DNAH5: variants seen among roughly 807,000 people sequenced by gnomAD.
DNAH5 encodes dynein axonemal heavy chain 5.
DNAH5 carries 372 observed loss-of-function variants against 518.2 expected under a neutral mutation model. That is an observed-to-expected ratio of 0.72 (90% confidence interval 0.66 to 0.78). The LOEUF is 0.78. Among genes scored for constraint, DNAH5 ranks in the 30% least tolerant of loss-of-function variants. DNAH5 has a pLI of 0.00. For missense variants in DNAH5, 5,523 were observed against 5,687.0 expected (o/e 0.97, Z 0.93); for synonymous variants, 2,039 against 2,025.9 (o/e 1.01, Z -0.17).
chr5:13,890,000 G>A (rs963025554), intron 17 of DNAH5, among the ~76,000 whole-genome samples: 1 of 152,180 alleles, frequency 6.6e-6, no homozygotes, highest in Non-Finnish European at 1.5e-5. Context: ...TGATGCTAAC[G>A]TGACATGCCT....
In DNAH5 at chr5:13,908,310, T is replaced by C. The variant is rs1324711814; in HGVS notation, c.1644+3076A>G. Among the ~76,000 whole-genome samples the C allele has an allele frequency of 2.0e-5, 3 of 152,234 alleles. No homozygotes were observed. In the East Asian group the frequency reaches 5.8e-4, roughly 29 times the overall value. On this transcript the variant is annotated intron_variant, in intron 12 of 78. Coordinates refer to ENST00000265104, the MANE Select transcript of DNAH5 (RefSeq NM_001369.3). ...TAAATAAACATCTACATTTTTTCAC[T>C]ACATAAAAAATCTCTATGTATAAAT...
chr5:13,753,316 C>A lies in DNAH5; in HGVS notation c.10789G>T (p.Ala3597Ser), dbSNP rs368959723. The change falls in exon 63 of 79, where the codon GCA becomes TCA. Residue 3597 changes from alanine to serine, a missense_variant. Physicochemically the swap from Ala to Ser is moderately conservative, Grantham distance 99 (BLOSUM62 1). Coordinates refer to ENST00000265104, the MANE Select transcript of DNAH5 (RefSeq NM_001369.3). ...TCAATTAACAAAGGGTAACGAGATGCCTTCGTGACAATAATTCCATTTTGA... is the reference window on the plus strand; with the variant it reads ...TCAATTAACAAAGGGTAACGAGATGACTTCGTGACAATAATTCCATTTTGA... ...SIQNGIIVTK[A>S]SRYPLLIDPQ... The A allele has an allele frequency of 1.0e-4, 163 of 1,613,612 alleles. 4 individuals are homozygous for A. The highest frequency in any genetic ancestry group is 8.0e-4 in the South Asian group (73 of 91,068).
intron 16 of DNAH5, 54 bp downstream of exon 16, chr5:13,894,596 G>T: frequency 6.4e-7 from 1 of 1,560,472 alleles, no homozygotes; most frequent in Non-Finnish European, 8.8e-7. Context: ...TTCAACAGAT[G>T]TTAGGAACTC....
rs914675446 is a variant in DNAH5, at chr5:13,768,959, C to G, written c.9897+1G>C. Reference sequence around the variant, plus strand: ...ACATCTGTTATATCACATAGATGCACCTGCAATGCAGCTTCTGCCTCTTCT... The same window carrying G: ...ACATCTGTTATATCACATAGATGCAGCTGCAATGCAGCTTCTGCCTCTTCT... On this transcript the variant is annotated splice_donor_variant, in intron 58 of 78. Coordinates refer to ENST00000265104, the MANE Select transcript of DNAH5 (RefSeq NM_001369.3). LOFTEE classifies it high-confidence loss of function. The G allele has an allele frequency of 1.2e-5, 19 of 1,613,986 alleles. No homozygotes were observed. The highest frequency in any genetic ancestry group is 1.7e-5 in the Admixed American group (1 of 60,008).
chr5:13,825,718 G>A (rs960712820), intron 38 of DNAH5, among the ~76,000 whole-genome samples: 1 of 152,196 alleles, frequency 6.6e-6, no homozygotes, highest in African/African-American at 2.4e-5. Flanking sequence ...AAGAGAAAAA[G>A]AGAAGTTGTT....
intron 9 of DNAH5, among the ~76,000 whole-genome samples, chr5:13,916,059 G>A (rs1334824915): frequency 6.6e-6 from 1 of 151,810 alleles, no homozygotes; most frequent in Non-Finnish European, 1.5e-5. Flanking sequence ...AATACATGAT[G>A]TGCTAAACCA....
At chr5:13,852,793 G>A (rs1767073476) in intron 30 of DNAH5, among the ~76,000 whole-genome samples, 1 of 152,180 alleles carries the variant, frequency 6.6e-6, no homozygotes, top group Admixed American at 6.5e-5. Context: ...GCACCACAAA[G>A]CTGCTGTAGC....
chr5:13,724,453 A>T (rs1745456252), intron 70 of DNAH5, among the ~76,000 whole-genome samples: 1 of 152,188 alleles, frequency 6.6e-6, no homozygotes, highest in Admixed American at 6.5e-5. Flanking sequence ...GGAGGAGATG[A>T]GTCTCAGAGA....
chr5:13,786,119 A>G, intron 52 of DNAH5, 60 bp downstream of exon 52: 1 of 1,531,784 alleles, frequency 6.5e-7, no homozygotes, highest in Non-Finnish European at 9.0e-7. Context: ...GGAGAGGACC[A>G]TGGTGTGAAG....
intron 1 of DNAH5, among the ~76,000 whole-genome samples, chr5:13,988,940 C>T (rs1783278398): frequency 7.4e-6 from 1 of 135,616 alleles, no homozygotes; most frequent in African/African-American, 2.7e-5. Flanking sequence ...GTTGGCCAGG[C>T]CTGGTCTCAA....
intron 1 of DNAH5, chr5:13,932,161 C>T (rs1476302477): frequency 6.6e-6 from 1 of 152,222 alleles, no homozygotes; most frequent in Non-Finnish European, 1.5e-5. Flanking sequence ...GAGACTAACA[C>T]TACCTGGTAA....
intron 2 of DNAH5, among the ~76,000 whole-genome samples, chr5:13,930,823 T>C (rs951755768): frequency 3.9e-5 from 6 of 152,190 alleles, no homozygotes; most frequent in African/African-American, 1.4e-4. Flanking sequence ...GGCTTTAGTT[T>C]CCAAAATGGC....
chr5:13,725,017 T>C (rs1745536375), intron 70 of DNAH5, among the ~76,000 whole-genome samples: 2 of 152,216 alleles, frequency 1.3e-5, no homozygotes, highest in Non-Finnish European at 2.9e-5. Flanking sequence ...ATGCAACAGA[T>C]ATAAACCTTG....
chr5:13,745,923 G>A (rs1749264728), intron 65 of DNAH5, among the ~76,000 whole-genome samples: 2 of 151,886 alleles, frequency 1.3e-5, no homozygotes, highest in African/African-American at 4.8e-5. Context: ...GAAGTCAAAG[G>A]AATAATTTGG....
chr5:13,847,847 C>CT (rs1766253727), intron 31 of DNAH5, among the ~76,000 whole-genome samples: 1 of 151,970 alleles, frequency 6.6e-6, no homozygotes, highest in African/African-American at 2.4e-5. Context: ...ATAAACTCAG[C>CT]TGTAGGTAGT....
chr5:13,822,036 C>T (rs1414930384), intron 40 of DNAH5, among the ~76,000 whole-genome samples: 2 of 152,104 alleles, frequency 1.3e-5, no homozygotes, highest in African/African-American at 4.8e-5. Context: ...CCAACGTTGG[C>T]CTATCAAAGC....
chr5:13,934,203 T>C (rs1474204007), intron 1 of DNAH5, among the ~76,000 whole-genome samples: 1 of 152,092 alleles, frequency 6.6e-6, no homozygotes, highest in Admixed American at 6.5e-5. Context: ...AACAAAACCT[T>C]CTGGTCAGCG....
chr5:13,969,209 CTCT>C (rs924519187), intron 1 of DNAH5, among the ~76,000 whole-genome samples: 23 of 152,076 alleles, frequency 1.5e-4, no homozygotes, highest in African/African-American at 4.3e-4. Flanking sequence ...CTTCTCTCTT[CTCT>C]TCTTAATTAA....
At chr5:13,802,572 C>A (rs1303693474) in intron 47 of DNAH5, among the ~76,000 whole-genome samples, 1 of 152,166 alleles carries the variant, frequency 6.6e-6, no homozygotes, top group African/African-American at 2.4e-5. Flanking sequence ...TAGCACTTAT[C>A]TTGTCAACTA....
Sources: allele counts gnomAD v4.1 joint callset (sites outside exome capture counted in the v4.1 genomes callset), GRCh38; gene constraint gnomAD v4.1.1; transcripts MANE v1.5; gene names NCBI Gene and HGNC (gene_info 2026-07-23, HGNC 2026-07-21).